The following ABHD13 variants were observed in gnomAD, a reference collection of about 807,000 sequenced individuals.
ABHD13 encodes protein ABHD13.
ABHD13 carries 7 observed loss-of-function variants against 25.2 expected under a neutral mutation model. That is an observed-to-expected ratio of 0.28 (90% CI 0.16 to 0.52). The LOEUF is 0.52. ABHD13 is among the 20% of genes least tolerant of loss of function. The pLI is 0.96. For synonymous variants in ABHD13, 133 were observed against 136.1 expected (o/e 0.98, Z 0.16); for missense variants, 302 against 402.7 (o/e 0.75, Z 2.14).
rs761372274 is a variant in ABHD13, at chr13:108,230,101, G to C, written c.883G>C (p.Asp295His). Reference sequence around the variant, plus strand: ...GACTAAGAGATTAGCCATTTTTCCAGATGGGACTCACAATGACACATGGCA... The same window carrying C: ...GACTAAGAGATTAGCCATTTTTCCACATGGGACTCACAATGACACATGGCA... ...SRTKRLAIFP[D>H]GTHNDTWQCQ... is the part of the protein sequence containing the mutation. Residue 295 changes from aspartate to histidine, a missense_variant, in exon 2 of 2, where the codon GAT (aspartate) becomes CAT (histidine). Transcript: ENST00000375898. 6.2e-7 allele frequency: 1 copy of C among 1,613,158 alleles called. No individual in the cohort carries two copies. Among genetic ancestry groups the C allele is most frequent in the Non-Finnish European group, 8.5e-7 (1 of 1,179,354 alleles).
chr13:108,225,200 T>C (rs143418134), intron 1 of ABHD13, among the ~76,000 whole-genome samples: 73 of 152,236 alleles, frequency 4.8e-4, no homozygotes, highest in African/African-American at 1.5e-3. Context: ...CTGCAAAACG[T>C]TGGGAAGGGA....
chr13:108,228,310 G>A (rs978184339), intron 1 of ABHD13, among the ~76,000 whole-genome samples: 1 of 151,558 alleles, frequency 6.6e-6, no homozygotes, highest in Non-Finnish European at 1.5e-5. Flanking sequence ...CTGTGTATTT[G>A]TTTCACACTG....
At chr13:108,220,550 T>C (rs529475782) in intron 1 of ABHD13, among the ~76,000 whole-genome samples, 1 of 152,356 alleles carries the variant, frequency 6.6e-6, no homozygotes, top group South Asian at 2.1e-4. Flanking sequence ...TCGTGTGGAC[T>C]TAAAAGATGC....
In ABHD13 at chr13:108,229,347, T is replaced by G; in HGVS notation, c.129T>G (p.Ile43Met). Residue 43 changes from isoleucine (I) to methionine (M), a missense_variant, in exon 2 of 2, where the codon ATT becomes ATG. Ile to Met is a conservative substitution (Grantham distance 10). Coordinates refer to ENST00000375898, the MANE Select transcript of ABHD13 (RefSeq NM_032859.3). The surrounding 1 kb of genome is among the most constrained non-coding windows in gnomAD (Gnocchi z 4.7). The part of the protein sequence containing the change: ...LIVTFHLYGG[I>M]ILLLLIFISI... ...TGACTTTTCATCTGTATGGAGGCATTATCTTACTTTTGTTAATATTCATAT... is the reference window on the plus strand; with the variant it reads ...TGACTTTTCATCTGTATGGAGGCATGATCTTACTTTTGTTAATATTCATAT... The G allele has an allele frequency of 6.2e-7, 1 of 1,612,864 alleles. No homozygotes were observed. Among genetic ancestry groups the G allele is most frequent in the Non-Finnish European group, 8.5e-7 (1 of 1,179,258 alleles).
At chr13:108,224,733 G>A (rs1325427162) in intron 1 of ABHD13, among the ~76,000 whole-genome samples, 1 of 152,058 alleles carries the variant, frequency 6.6e-6, no homozygotes, top group African/African-American at 2.4e-5. Context: ...ACCCGTCATG[G>A]ACTTAAATTT....
rs1879806876 is a variant in ABHD13, at chr13:108,231,652, C to T, written c.*1420C>T. ...AATTGAGCTTTGTGTAATATTATGT[C>T]AGCTTTAACATATAATATTTTGAAT... On this transcript the variant is annotated 3_prime_UTR_variant, in exon 2 of 2. Coordinates refer to ENST00000375898, the MANE Select transcript of ABHD13 (RefSeq NM_032859.3). 1 of 166,656 alleles carries T rather than the reference C, an allele frequency of 6.0e-6. No individual in the cohort carries two copies. The highest frequency in any genetic ancestry group is 2.4e-5 in the African/African-American group (1 of 41,406). 10.3% of individuals were successfully genotyped at this position (166,656 alleles called of 1,614,324 possible). A position where few individuals can be genotyped will look rare whatever the true frequency, so the allele number is the denominator to read the frequency against.
chr13:108,229,574 A>G lies in ABHD13; in HGVS notation c.356A>G (p.Tyr119Cys). The change falls in exon 2 of 2, where the codon TAT becomes TGT. Residue 119 changes from tyrosine to cysteine, a missense_variant. Physicochemically the swap from Tyr to Cys is radical, Grantham distance 194. Coordinates refer to ENST00000375898, the MANE Select transcript of ABHD13 (RefSeq NM_032859.3). The surrounding 1 kb of genome is among the most constrained non-coding windows in gnomAD (Gnocchi z 4.7). The stretch of plus-strand genomic sequence containing the variant: ...TCACCCTATTCCCCAACTATAATTT[A>G]TTTTCATGGGAATGCAGGCAACATA... The part of the protein sequence containing the change: ...DNSPYSPTII[Y>C]FHGNAGNIGH... 1 of 1,613,240 alleles carries G rather than the reference A, an allele frequency of 6.2e-7. No individual in the cohort carries two copies. Among genetic ancestry groups the G allele is most frequent in the Non-Finnish European group, 8.5e-7 (1 of 1,179,534 alleles).
At chr13:108,227,337 A>G (rs1175386986) in intron 1 of ABHD13, among the ~76,000 whole-genome samples, 2 of 152,126 alleles carry the variant, frequency 1.3e-5, no homozygotes, top group Non-Finnish European at 2.9e-5. Flanking sequence ...AGTCGTAAGT[A>G]TATATAAAGT....
In ABHD13 at chr13:108,231,589, T is replaced by G. The variant is rs1879805646; in HGVS notation, c.*1357T>G. On this transcript the variant is annotated 3_prime_UTR_variant, in exon 2 of 2. Transcript: ENST00000375898. ...AAATACACGCTATGAGTCATAATTGTGCCAAGTTGTTTCATGCAGTCCTCA... is the reference window on the plus strand; with the variant it reads ...AAATACACGCTATGAGTCATAATTGGGCCAAGTTGTTTCATGCAGTCCTCA... 1 of 166,802 alleles carries G rather than the reference T, an allele frequency of 6.0e-6. No homozygotes were observed. The highest frequency in any genetic ancestry group is 1.5e-5 in the Non-Finnish European group (1 of 67,950). The allele number at this position is 166,802 out of a possible 1,614,324, so 10.3% of individuals were successfully genotyped here.
chr13:108,223,968 G>A (rs889292686), intron 1 of ABHD13, among the ~76,000 whole-genome samples: 2 of 152,182 alleles, frequency 1.3e-5, no homozygotes, highest in Non-Finnish European at 2.9e-5. Context: ...GCTGTTTGAT[G>A]GAAAGTAATA....
chr13:108,226,281 A>C (rs1375924441), intron 1 of ABHD13, among the ~76,000 whole-genome samples: 1 of 152,224 alleles, frequency 6.6e-6, no homozygotes, highest in African/African-American at 2.4e-5. Context: ...CATGCTCCAC[A>C]GGAAACAGTG....
Position 108,230,292 on chromosome 13 carries a change from C to T in ABHD13, c.*60C>T, listed in dbSNP as rs1879773461. Reference sequence around the variant, plus strand: ...TTTGTGCAGAATGATAAAGAATGTTCCTTTTAGAAGTGTGTTATGTCTGTA... The same window carrying T: ...TTTGTGCAGAATGATAAAGAATGTTTCTTTTAGAAGTGTGTTATGTCTGTA... On this transcript the variant is annotated 3_prime_UTR_variant, in exon 2 of 2. Transcript: ENST00000375898. 3 of 1,390,652 alleles carry T rather than the reference C, an allele frequency of 2.2e-6. No individual in the cohort carries two copies. Among genetic ancestry groups the T allele is most frequent in the African/African-American group, 1.5e-5 (1 of 68,738 alleles). The allele number at this position is 1,390,652 out of a possible 1,614,324, so 86.1% of individuals were successfully genotyped here.
chr13:108,225,661 T>C (rs535381895), intron 1 of ABHD13, among the ~76,000 whole-genome samples: 1 of 152,192 alleles, frequency 6.6e-6, no homozygotes, highest in East Asian at 1.9e-4. Context: ...GATTGGTGGG[T>C]TTTAGAAATG....
chr13:108,221,998 C>G (rs544753539), intron 1 of ABHD13, among the ~76,000 whole-genome samples: 2 of 151,970 alleles, frequency 1.3e-5, no homozygotes, highest in Non-Finnish European at 2.9e-5. Flanking sequence ...CCACCATGCC[C>G]GGCTAATTTT....
Position 108,218,435 on chromosome 13 carries a change from G to C in ABHD13, c.-245G>C, listed in dbSNP as rs970052214. 2.6e-5 allele frequency: 4 copies of C among 152,376 alleles called. No homozygotes were observed. The highest frequency in any genetic ancestry group is 2.1e-4 in the South Asian group (1 of 4,824). The allele number at this position is 152,376 out of a possible 1,614,324, so 9.4% of individuals were successfully genotyped here. The stretch of plus-strand genomic sequence containing the variant: ...ACTCCGGGAGCGGAGACGGAGAACA[G>C]GTTATGTGGGAGCCGGCGGGGGCAT... On this transcript the variant is annotated 5_prime_UTR_variant, in exon 1 of 2. Coordinates refer to ENST00000375898, the MANE Select transcript of ABHD13 (RefSeq NM_032859.3).
In ABHD13 at chr13:108,224,408, G is replaced by A. The variant is rs554704608; in HGVS notation, c.-20-4791G>A. 3.3e-5 allele frequency among the ~76,000 whole-genome samples: 5 copies of A among 152,308 alleles called. No homozygotes were observed. The South Asian group carries it at 1.0e-3, about 32-fold the overall frequency. On this transcript the variant is annotated intron_variant, in intron 1 of 1. Coordinates refer to ENST00000375898, the MANE Select transcript of ABHD13 (RefSeq NM_032859.3). Reference sequence around the variant, plus strand: ...TCAGTGGTCCACGCTGGGTTTCACAGCTCCCCTGGGAGCCTGCAGTGATAT... The same window carrying A: ...TCAGTGGTCCACGCTGGGTTTCACAACTCCCCTGGGAGCCTGCAGTGATAT...
intron 1 of ABHD13, among the ~76,000 whole-genome samples, chr13:108,219,393 A>C (rs890538831): frequency 1.3e-5 from 2 of 152,216 alleles, no homozygotes; most frequent in African/African-American, 4.8e-5. Context: ...TAGTAACTGG[A>C]TAGAAAGAGA....
chr13:108,221,298 T>C (rs759393721), intron 1 of ABHD13, among the ~76,000 whole-genome samples: 5 of 152,252 alleles, frequency 3.3e-5, no homozygotes, highest in Non-Finnish European at 7.3e-5. Context: ...CTCCAACACC[T>C]TGATAGCAGC....
intron 1 of ABHD13, among the ~76,000 whole-genome samples, chr13:108,228,187 CTT>C (rs1364033017): frequency 6.7e-6 from 1 of 148,632 alleles, no homozygotes; most frequent in Non-Finnish European, 1.5e-5. Context: ...AAAAAATTCT[CTT>C]TTAATAGTTT....
Sources: gnomAD v4.1 joint callset for allele counts (sites outside exome capture counted in the v4.1 genomes callset) on GRCh38, gnomAD v4.1.1 for gene constraint, Gnocchi (gnomAD v3.1) non-coding constraint, MANE v1.5 for transcripts, NCBI Gene and HGNC (gene_info 2026-07-23, HGNC 2026-07-21) for gene names.